GMEB1: variants seen among roughly 807,000 people sequenced by gnomAD.
GMEB1 encodes glucocorticoid modulatory element-binding protein 1.
GMEB1 carries 6 observed loss-of-function variants against 52.4 expected under a neutral mutation model. The ratio of observed to expected loss-of-function variants is 0.11; its 90% confidence interval spans 0.06 to 0.23. The LOEUF (loss-of-function observed/expected upper bound fraction) is 0.23, where lower values mean the gene tolerates loss of function less well. Ranked by LOEUF, GMEB1 falls within the 10% of genes least tolerant of loss-of-function variation. The probability of loss-of-function intolerance (pLI) is 1.00; values close to 1 mark genes in which losing one functional copy is unlikely to be tolerated. For synonymous variants in GMEB1, 255 were observed against 244.9 expected (o/e 1.04, Z -0.38); for missense variants, 486 against 685.6 (o/e 0.71, Z 3.25).
intron 1 of GMEB1, among the ~76,000 whole-genome samples, chr1:28,674,843 C>T (rs1356100470): frequency 4.9e-5 from 7 of 141,540 alleles, no homozygotes; most frequent in Non-Finnish European, 1.5e-5. Context: ...CTCAGCCTCC[C>T]AAGTAGCTGG....
intron 2 of GMEB1, among the ~76,000 whole-genome samples, chr1:28,687,522 A>C (rs1669739676): frequency 6.6e-6 from 1 of 152,062 alleles, no homozygotes; most frequent in African/African-American, 2.4e-5. Context: ...GAGGTTTGGG[A>C]AGAATTGAAA....
chr1:28,694,077 G>T (rs1670087134), intron 5 of GMEB1, among the ~76,000 whole-genome samples: 1 of 150,826 alleles, frequency 6.6e-6, no homozygotes, highest in Non-Finnish European at 1.5e-5. Flanking sequence ...TTTGAAGGAA[G>T]AAAAATATAA....
intron 1 of GMEB1, among the ~76,000 whole-genome samples, chr1:28,675,783 A>G (rs1008206788): frequency 3.3e-5 from 5 of 152,202 alleles, no homozygotes; most frequent in Non-Finnish European, 7.3e-5. Context: ...CAAAGCCCCG[A>G]ACGATCAACT....
At chr1:28,678,934 C>T (rs1570385082) in intron 1 of GMEB1, among the ~76,000 whole-genome samples, 3 of 151,886 alleles carry the variant, frequency 2.0e-5, no homozygotes, top group East Asian at 3.9e-4. Context: ...TTTTTTGAGA[C>T]GGAGTCTCGC....
Position 28,687,366 on chromosome 1 carries a change from AC to A in GMEB1, c.129-2737del, listed in dbSNP as rs1289459574. Among the ~76,000 whole-genome samples, 26 of 62,526 alleles carry A rather than the reference AC, an allele frequency of 4.2e-4. 1 individual carries two copies. The highest frequency in any genetic ancestry group is 1.4e-3 in the East Asian group (2 of 1,480). 41.0% of individuals were successfully genotyped at this position (62,526 alleles called of 152,430 possible). On this transcript the variant is annotated intron_variant, in intron 2 of 9. Coordinates refer to ENST00000373816, the MANE Select transcript of GMEB1 (RefSeq NM_001319674.2). ...CACACACACACACACACACACACAC[AC>A]ACACACACACACACACACACAAAAA...
At chr1:28,698,976 G>A (rs1670363882) in intron 6 of GMEB1, among the ~76,000 whole-genome samples, 1 of 151,946 alleles carries the variant, frequency 6.6e-6, no homozygotes, top group African/African-American at 2.4e-5. Flanking sequence ...GCAAGACTCT[G>A]TCTCAAAAAA....
intron 1 of GMEB1, among the ~76,000 whole-genome samples, chr1:28,673,320 G>A (rs537303690): frequency 6.6e-6 from 1 of 151,864 alleles, no homozygotes; most frequent in East Asian, 1.9e-4. Context: ...GCTGTGGCGC[G>A]TTCTTGTCTC....
intron 8 of GMEB1, among the ~76,000 whole-genome samples, chr1:28,707,153 T>G (rs1467493161): frequency 1.3e-5 from 2 of 151,666 alleles, no homozygotes; most frequent in African/African-American, 4.8e-5. Context: ...CAGCTAATTT[T>G]TTATATTTTT....
chr1:28,687,382 ACAC>A lies in GMEB1; in HGVS notation c.129-2721_129-2719del, dbSNP rs1557504358. On this transcript the variant is annotated intron_variant, in intron 2 of 9. Coordinates refer to ENST00000373816, the MANE Select transcript of GMEB1 (RefSeq NM_001319674.2). ...CACACACACACACACACACACACAC[ACAC>A]ACAAAAAAAGACAGTGGAGAATAAT... 7.7e-3 allele frequency among the ~76,000 whole-genome samples: 861 copies of A among 112,092 alleles called. 168 individuals carry two copies. Among genetic ancestry groups the A allele is most frequent in the Middle Eastern group, 0.022 (5 of 224 alleles). The allele number at this position is 112,092 out of a possible 152,430, so 73.5% of individuals were successfully genotyped here.
intron 6 of GMEB1, among the ~76,000 whole-genome samples, chr1:28,697,854 GAT>G (rs1188307696): frequency 6.6e-6 from 1 of 152,054 alleles, no homozygotes; most frequent in African/African-American, 2.4e-5. Flanking sequence ...GAAGTCAAGA[GAT>G]CGGCCAGGTG....
intron 8 of GMEB1, among the ~76,000 whole-genome samples, chr1:28,707,183 C>T (rs776105880): frequency 2.0e-5 from 3 of 149,936 alleles, no homozygotes; most frequent in Non-Finnish European, 3.0e-5. Context: ...GGGGTTTCAC[C>T]GTGTTAGCCA....
intron 9 of GMEB1, among the ~76,000 whole-genome samples, chr1:28,711,144 G>C (rs768084239): frequency 2.4e-4 from 36 of 152,130 alleles, no homozygotes; most frequent in Middle Eastern, 3.4e-3. Context: ...AAATTACCTG[G>C]ATGTGGTGGC....
chr1:28,692,401 G>A (rs1670010167), intron 4 of GMEB1, among the ~76,000 whole-genome samples: 1 of 151,874 alleles, frequency 6.6e-6, no homozygotes, highest in Non-Finnish European at 1.5e-5. Context: ...ACGTGGTATT[G>A]GGCGCCTATA....
At chr1:28,695,213 C>T (rs1670144367) in intron 5 of GMEB1, among the ~76,000 whole-genome samples, 1 of 151,686 alleles carries the variant, frequency 6.6e-6, no homozygotes, top group Non-Finnish European at 1.5e-5. Flanking sequence ...ATGCTCTGCC[C>T]ACCTCACCTC....
chr1:28,687,038 T>C (rs549716359), intron 2 of GMEB1, among the ~76,000 whole-genome samples: 26 of 152,004 alleles, frequency 1.7e-4, no homozygotes, highest in Admixed American at 2.6e-4. Context: ...AGGCTACTTA[T>C]TAAAAGACAG....
intron 1 of GMEB1, among the ~76,000 whole-genome samples, chr1:28,682,300 A>C (rs1485120851): frequency 6.6e-6 from 1 of 151,986 alleles, no homozygotes; most frequent in Non-Finnish European, 1.5e-5. Context: ...GGGCAAGATT[A>C]TCTCTCCATT....
Position 28,717,185 on chromosome 1 carries a change from G to GTTTTTTT in GMEB1, c.*2422_*2428dup, listed in dbSNP as rs71027293. ...AACCCTGTAACATGGTAAGGTTGCTGTTTTTTTTTTTTTTTTCTTTTTGAG... is the reference window on the plus strand; with the variant it reads ...AACCCTGTAACATGGTAAGGTTGCTGTTTTTTTTTTTTTTTTTTTTTTTCTTTTTGAG... On this transcript the variant is annotated 3_prime_UTR_variant, in exon 10 of 10. Transcript: ENST00000373816. The GTTTTTTT allele has an allele frequency of 6.5e-5, 9 of 139,208 alleles. No individual in the cohort carries two copies. The highest frequency in any genetic ancestry group is 6.2e-5 in the Non-Finnish European group (4 of 64,658). The allele number at this position is 139,208 out of a possible 1,614,324, so 8.6% of individuals were successfully genotyped here. A position where few individuals can be genotyped will look rare whatever the true frequency, so the allele number is the denominator to read the frequency against.
chr1:28,700,041 A>T (rs1171780659), intron 6 of GMEB1, among the ~76,000 whole-genome samples: 1 of 135,824 alleles, frequency 7.4e-6, no homozygotes, highest in Non-Finnish European at 1.5e-5. Context: ...AGGTGACAGG[A>T]GCGAGAGACC....
chr1:28,674,920 GT>G (rs1262052839), intron 1 of GMEB1, among the ~76,000 whole-genome samples: 25 of 139,404 alleles, frequency 1.8e-4, no homozygotes, highest in African/African-American at 6.5e-4. Context: ...GGGTTTCACC[GT>G]TTTTAGCCGG....
Sources: allele counts gnomAD v4.1 joint callset (sites outside exome capture counted in the v4.1 genomes callset), GRCh38; gene constraint gnomAD v4.1.1; transcripts MANE v1.5; gene names NCBI Gene and HGNC (gene_info 2026-07-23, HGNC 2026-07-21).